NEGR1: variants seen among roughly 807,000 people sequenced by gnomAD.
The protein encoded by NEGR1 is neuronal growth regulator 1.
A neutral mutation model predicts 40.9 loss-of-function variants in NEGR1; 10 were observed. The ratio of observed to expected loss-of-function variants is 0.24; its 90% CI spans 0.15 to 0.42. The LOEUF (loss-of-function observed/expected upper bound fraction) is 0.42, where lower values mean the gene tolerates loss of function less well. Ranked by LOEUF, NEGR1 falls within the 10% of genes least tolerant of loss-of-function variation. The pLI is 1.00. For synonymous variants in NEGR1, 185 were observed against 166.8 expected, an observed-to-expected ratio of 1.11 and a Z score of -0.84; for missense variants, 352 against 438.9, an observed-to-expected ratio of 0.80 and a Z score of 1.77.
chr1:71,470,552 C>A (rs1646775582), intron 6 of NEGR1, among the ~76,000 whole-genome samples: 1 of 152,126 alleles, frequency 6.6e-6, no homozygotes, highest in South Asian at 2.1e-4. Context: ...GTTCAGACTT[C>A]ATATGACTAC....
At chr1:71,841,675 A>G (rs1557673277) in intron 2 of NEGR1, among the ~76,000 whole-genome samples, 1 of 152,212 alleles carries the variant, frequency 6.6e-6, no homozygotes, top group Non-Finnish European at 1.5e-5. Flanking sequence ...AATAAAAAGA[A>G]AAATCTCTAC....
intron 1 of NEGR1, among the ~76,000 whole-genome samples, chr1:72,052,341 T>C (rs1450877780): frequency 6.6e-6 from 1 of 151,404 alleles, no homozygotes; most frequent in Non-Finnish European, 1.5e-5. Context: ...AATTCTGATA[T>C]TGACATAGAA....
At chr1:71,531,648 G>A (rs1454654703) in intron 6 of NEGR1, among the ~76,000 whole-genome samples, 1 of 151,192 alleles carries the variant, frequency 6.6e-6, no homozygotes, top group African/African-American at 2.4e-5. Context: ...ACTAACCCCT[G>A]TAAAATGGGA....
chr1:72,211,182 C>G (rs1653593766), intron 1 of NEGR1, among the ~76,000 whole-genome samples: 1 of 151,702 alleles, frequency 6.6e-6, no homozygotes, highest in Non-Finnish European at 1.5e-5. Flanking sequence ...TTTCTCTCTT[C>G]CTTCCAATAT....
At chr1:72,049,604 C>T (rs1468650122) in intron 1 of NEGR1, among the ~76,000 whole-genome samples, 1 of 151,564 alleles carries the variant, frequency 6.6e-6, no homozygotes, top group African/African-American at 2.4e-5. Context: ...AGAATTTAGC[C>T]TCAAGCTCAT....
chr1:71,624,554 T>C (rs1650706285), intron 4 of NEGR1, among the ~76,000 whole-genome samples: 2 of 152,018 alleles, frequency 1.3e-5, no homozygotes, highest in South Asian at 2.1e-4. Context: ...CACATCTCTG[T>C]CCATTGCCTC....
chr1:71,669,808 G>A (rs1652359281), intron 4 of NEGR1, among the ~76,000 whole-genome samples: 1 of 151,800 alleles, frequency 6.6e-6, no homozygotes, highest in Non-Finnish European at 1.5e-5. Context: ...GTGCCGCCAT[G>A]CTCAGTTAAT....
intron 2 of NEGR1, among the ~76,000 whole-genome samples, chr1:71,798,450 A>G (rs1445448044): frequency 1.3e-5 from 2 of 152,216 alleles, no homozygotes; most frequent in East Asian, 3.8e-4. Flanking sequence ...TTACAATTGC[A>G]TGTAATAAAA....
At chr1:72,163,992 G>C (rs905557668) in intron 1 of NEGR1, among the ~76,000 whole-genome samples, 1 of 151,468 alleles carries the variant, frequency 6.6e-6, no homozygotes, top group Non-Finnish European at 1.5e-5. Context: ...ACTAATTTTA[G>C]CTTGCATACA....
chr1:72,185,951 C>T (rs1188489457), intron 1 of NEGR1, among the ~76,000 whole-genome samples: 2 of 151,660 alleles, frequency 1.3e-5, no homozygotes, highest in African/African-American at 4.8e-5. Flanking sequence ...CATTGCATGT[C>T]TTTATTCTTT....
chr1:72,067,001 A>G (rs1360983622), intron 1 of NEGR1, among the ~76,000 whole-genome samples: 3 of 152,094 alleles, frequency 2.0e-5, no homozygotes, highest in Non-Finnish European at 4.4e-5. Context: ...AATTTTTGCC[A>G]TAAGTTCCTA....
At chr1:72,248,642 A>T (rs2100526725) in intron 1 of NEGR1, among the ~76,000 whole-genome samples, 1 of 148,624 alleles carries the variant, frequency 6.7e-6, no homozygotes, top group South Asian at 2.1e-4. Flanking sequence ...CTCTGTTGCC[A>T]GGCTGCAGTA....
intron 1 of NEGR1, among the ~76,000 whole-genome samples, chr1:72,223,947 C>T (rs1343467528): frequency 6.6e-6 from 1 of 152,158 alleles, no homozygotes; most frequent in Non-Finnish European, 1.5e-5. Context: ...ATTTGCACCA[C>T]TGCACTTTTC....
At chr1:71,946,570 C>A (rs149765734) in intron 1 of NEGR1, among the ~76,000 whole-genome samples, 2 of 152,022 alleles carry the variant, frequency 1.3e-5, no homozygotes, top group Admixed American at 1.3e-4. Flanking sequence ...TTAAAATAAA[C>A]GCTACGTTGC....
chr1:71,633,597 C>A (rs1455892452), intron 4 of NEGR1, among the ~76,000 whole-genome samples: 1 of 151,976 alleles, frequency 6.6e-6, no homozygotes, highest in Middle Eastern at 3.2e-3. Context: ...ATGTTTATTA[C>A]CATGGAAAGT....
chr1:71,537,460 G>A (rs1326779915), intron 6 of NEGR1, among the ~76,000 whole-genome samples: 1 of 151,694 alleles, frequency 6.6e-6, no homozygotes, highest in African/African-American at 2.4e-5. Flanking sequence ...TACCTAATAA[G>A]TGAGTAGCTT....
chr1:71,619,264 T>C (rs1355517208), intron 4 of NEGR1, among the ~76,000 whole-genome samples: 1 of 152,090 alleles, frequency 6.6e-6, no homozygotes, highest in Non-Finnish European at 1.5e-5. Flanking sequence ...CTTAGAAAGA[T>C]GATCAAATGA....
intron 4 of NEGR1, among the ~76,000 whole-genome samples, chr1:71,691,831 T>A (rs1015128258): frequency 6.6e-6 from 1 of 151,576 alleles, no homozygotes; most frequent in Admixed American, 6.6e-5. Flanking sequence ...CTTATGAAGC[T>A]AAGCAAATGA....
At chr1:71,850,300 C>T (rs1427552752) in intron 2 of NEGR1, among the ~76,000 whole-genome samples, 1 of 151,958 alleles carries the variant, frequency 6.6e-6, no homozygotes, top group African/African-American at 2.4e-5. Flanking sequence ...GGACTGTAGG[C>T]ATGAGCCATC....
Sources: allele counts gnomAD v4.1 joint callset (sites outside exome capture counted in the v4.1 genomes callset), GRCh38; gene constraint gnomAD v4.1.1; transcripts MANE v1.5; gene names NCBI Gene and HGNC (gene_info 2026-07-23, HGNC 2026-07-21).